The following KIAA2012 variants were observed in gnomAD, a reference collection of about 807,000 sequenced individuals.
KIAA2012 encodes uncharacterized protein KIAA2012.
A neutral mutation model predicts 150.6 loss-of-function variants in KIAA2012; 125 were observed. That is an observed-to-expected ratio of 0.83 (90% CI 0.72 to 0.96). The LOEUF is 0.96. Ranked by LOEUF, KIAA2012 falls within the 40% of genes least tolerant of loss-of-function variation. The pLI is 0.00. For missense variants in KIAA2012, 1,219 were observed against 1,354.9 expected (o/e 0.90, Z 1.57); for synonymous variants, 462 against 504.7 (o/e 0.92, Z 1.13).
At chr2:202,112,229 G>A (rs1690380143) in intron 10 of KIAA2012, among the ~76,000 whole-genome samples, 1 of 152,210 alleles carries the variant, frequency 6.6e-6, no homozygotes, top group East Asian at 1.9e-4. Flanking sequence ...CTCCAGGAAA[G>A]GGGAGGGGAC....
At chr2:202,090,677 T>G (rs1163730703) in intron 2 of KIAA2012, 93 bp from the exon 3 acceptor site, 15 of 1,368,846 alleles carry the variant, frequency 1.1e-5, no homozygotes. Flanking sequence ...GGGAGTTTCC[T>G]GGGTTACTGA....
rs1690137588 is a variant in KIAA2012, at chr2:202,104,783, C to T, written c.1325-978C>T. Among the ~76,000 whole-genome samples, 1 of 152,102 alleles carries T rather than the reference C, an allele frequency of 6.6e-6. No individual in the cohort carries two copies. Among genetic ancestry groups the T allele is most frequent in the Non-Finnish European group, 1.5e-5 (1 of 68,014 alleles). ...GTCATTTACTGTGTCTAGGAATTGG[C>T]CAGCCCTGGGAGGGACAGTCAGGTC... is the stretch of plus-strand genomic sequence containing the variant. On this transcript the variant is annotated intron_variant, in intron 8 of 23. Coordinates refer to ENST00000498697, the MANE Select transcript of KIAA2012 (RefSeq NM_001277372.4). This position sits in a 1 kb window ranked among gnomAD's most constrained non-coding sequence, Gnocchi z 4.3.
intron 11 of KIAA2012, 107 bp downstream of exon 11, chr2:202,113,553 A>G (rs1690438682): frequency 9.9e-6 from 7 of 709,196 alleles, no homozygotes; most frequent in African/African-American, 1.8e-5. Context: ...TTAAAAACAG[A>G]CGCAAGTCAG....
chr2:202,096,098 C>CA (rs960179466), intron 4 of KIAA2012, among the ~76,000 whole-genome samples: 36 of 150,416 alleles, frequency 2.4e-4, no homozygotes, highest in East Asian at 1.2e-3. Flanking sequence ...ACCCCCCACC[C>CA]AAAAAAAAAG....
intron 13 of KIAA2012, among the ~76,000 whole-genome samples, chr2:202,144,153 A>G (rs1431152188): frequency 2.0e-5 from 3 of 152,208 alleles, no homozygotes. Context: ...TAGGGAGAAC[A>G]AACATCCTTT....
chr2:202,158,070 C>T (rs1305129704), intron 14 of KIAA2012, among the ~76,000 whole-genome samples: 1 of 152,088 alleles, frequency 6.6e-6, no homozygotes, highest in African/African-American at 2.4e-5. Flanking sequence ...TCTTGGCTCA[C>T]TGCAAGCTCC....
Position 202,165,296 on chromosome 2 carries a change from G to A in KIAA2012, c.2059G>A (p.Ala687Thr), listed in dbSNP as rs1382424613. Residue 687 changes from alanine to threonine, a missense_variant, in exon 15 of 24, where the codon GCA becomes ACA. Ala to Thr is a moderately conservative substitution (Grantham distance 58). Coordinates refer to ENST00000498697, the MANE Select transcript of KIAA2012 (RefSeq NM_001277372.4). Reference protein sequence around the residue: ...MTPFLKESGNALDYQEEAGRP... With the variant: ...MTPFLKESGNTLDYQEEAGRP... ...GTTAACCCAATAGGAAAGTGGAAAT[G>A]CACTGGACTATCAGGAAGAAGCAGG... The A allele has an allele frequency of 2.6e-6, 4 of 1,550,194 alleles. No individual in the cohort carries two copies. Among genetic ancestry groups the A allele is most frequent in the East Asian group, 2.4e-5 (1 of 40,920 alleles).
intron 13 of KIAA2012, among the ~76,000 whole-genome samples, chr2:202,146,396 G>A (rs1362868084): frequency 6.6e-6 from 1 of 152,214 alleles, no homozygotes; most frequent in African/African-American, 2.4e-5. Context: ...ACTTTGGGAG[G>A]CTGAGGTGGG....
intron 19 of KIAA2012, among the ~76,000 whole-genome samples, chr2:202,192,133 G>T (rs1471907476): frequency 6.6e-6 from 1 of 152,138 alleles, no homozygotes; most frequent in East Asian, 1.9e-4. Context: ...TTAACCTATG[G>T]GCCGAACTTT....
At chr2:202,196,705 G>T (rs968704043) in intron 21 of KIAA2012, 95 bp from the exon 22 acceptor site, 28 of 1,468,212 alleles carry the variant, frequency 1.9e-5, no homozygotes, top group Non-Finnish European at 4.5e-6. Context: ...TTCTCACGGG[G>T]AGTCCTTCAG....
chr2:202,091,181 AC>A (rs1221207634), intron 3 of KIAA2012, among the ~76,000 whole-genome samples: 1 of 152,188 alleles, frequency 6.6e-6, no homozygotes, highest in African/African-American at 2.4e-5. Context: ...CAGCAGCCTC[AC>A]ATGCCACATC....
intron 7 of KIAA2012, 34 bp downstream of exon 7, chr2:202,100,483 G>A (rs760567989): frequency 1.0e-4 from 156 of 1,515,908 alleles, no homozygotes; most frequent in Non-Finnish European, 1.3e-4. Context: ...GCATACAGGA[G>A]AGAGAGAGAG....
At chr2:202,170,750 G>A (rs1013504114) in intron 15 of KIAA2012, among the ~76,000 whole-genome samples, 1 of 152,192 alleles carries the variant, frequency 6.6e-6, no homozygotes, top group Non-Finnish European at 1.5e-5. Context: ...CATGAAGGAA[G>A]GCATTTACGA....
intron 11 of KIAA2012, chr2:202,116,321 T>A (rs574140566): frequency 6.6e-6 from 1 of 152,212 alleles, no homozygotes; most frequent in Non-Finnish European, 1.5e-5. Flanking sequence ...TTTGTTTTTT[T>A]AGACAGGGTC....
intron 11 of KIAA2012, among the ~76,000 whole-genome samples, chr2:202,122,777 T>C (rs1418916283): frequency 6.6e-6 from 1 of 152,210 alleles, no homozygotes; most frequent in Non-Finnish European, 1.5e-5. Context: ...GTGCTGGGAT[T>C]ACAGGCGTGA....
chr2:202,108,257 G>A (rs1472531594), intron 9 of KIAA2012, among the ~76,000 whole-genome samples: 1 of 152,194 alleles, frequency 6.6e-6, no homozygotes, highest in Non-Finnish European at 1.5e-5. Flanking sequence ...CTGAGAGTAA[G>A]TTGCAGACAT....
chr2:202,095,936 T>G (rs1408720789), intron 4 of KIAA2012, among the ~76,000 whole-genome samples: 2 of 151,984 alleles, frequency 1.3e-5, no homozygotes, highest in African/African-American at 4.8e-5. Flanking sequence ...ATACAAAAAT[T>G]AGCTGGGCAT....
intron 22 of KIAA2012, chr2:202,197,868 A>G: frequency 6.6e-6 from 1 of 150,870 alleles, no homozygotes. Context: ...TCTTTAAAAA[A>G]AAAAAAAAAA....
At position 202,097,678 on chromosome 2, in the gene KIAA2012, C is replaced by T. The variant is rs1689928354; in HGVS notation, c.828+101C>T. Reference sequence around the variant, plus strand: ...AATTTTGGCTCACTGCAACCTCCGCCTCCTGGGTTCAAGCATTTCTCCTGC... The same window carrying T: ...AATTTTGGCTCACTGCAACCTCCGCTTCCTGGGTTCAAGCATTTCTCCTGC... On this transcript the variant is annotated intron_variant, in intron 5 of 23. Transcript: ENST00000498697. The T allele has an allele frequency of 1.6e-5, 21 of 1,322,918 alleles. 1 individual carries two copies. Among genetic ancestry groups the T allele is most frequent in the South Asian group, 1.2e-4 (8 of 68,708 alleles). 81.9% of individuals were successfully genotyped at this position (1,322,918 alleles called of 1,614,324 possible).
Sources: gnomAD v4.1 joint callset for allele counts (sites outside exome capture counted in the v4.1 genomes callset) on GRCh38, gnomAD v4.1.1 for gene constraint, Gnocchi (gnomAD v3.1) non-coding constraint, MANE v1.5 for transcripts, NCBI Gene and HGNC (gene_info 2026-07-23, HGNC 2026-07-21) for gene names.